Variants in CFHR4 observed in about 807,000 individuals in gnomAD.
CFHR4 encodes the protein complement factor H-related protein 4.
Under a neutral mutation model 69.3 loss-of-function variants are expected in CFHR4, and 64 were observed. The observed-to-expected ratio is 0.92, with a 90% CI of 0.76 to 1.14. The LOEUF (loss-of-function observed/expected upper bound fraction) is 1.14. Ranked by LOEUF, CFHR4 falls within the 50% of genes most tolerant of loss-of-function variation. CFHR4 has a pLI of 0.00. For missense variants in CFHR4, 636 were observed against 684.9 expected (o/e 0.93, Z 0.80); for synonymous variants, 244 against 237.0 (o/e 1.03, Z -0.27).
intron 2 of CFHR4, among the ~76,000 whole-genome samples, chr1:196,903,424 G>A (rs1250336178): frequency 6.6e-6 from 1 of 150,894 alleles, no homozygotes. Flanking sequence ...AGACCGAGAC[G>A]GGCAGATCAC....
chr1:196,903,505 T>C (rs1657735470), intron 2 of CFHR4, among the ~76,000 whole-genome samples: 1 of 150,738 alleles, frequency 6.6e-6, no homozygotes, highest in Non-Finnish European at 1.5e-5. Context: ...ATACAAAAAT[T>C]AGCCGTGTGC....
intron 2 of CFHR4, among the ~76,000 whole-genome samples, chr1:196,904,373 A>G (rs952027950): frequency 6.6e-6 from 1 of 151,584 alleles, no homozygotes; most frequent in Non-Finnish European, 1.5e-5. Context: ...TTCAGATAGT[A>G]AAATTGGTCC....
intron 1 of CFHR4, among the ~76,000 whole-genome samples, chr1:196,897,671 T>A (rs950537722): frequency 6.6e-6 from 1 of 151,422 alleles, no homozygotes; most frequent in Admixed American, 6.6e-5. Context: ...CTCATTTCCC[T>A]CGGCATCCAG....
chr1:196,890,620 G>A (rs1160508253), intron 1 of CFHR4, among the ~76,000 whole-genome samples: 1 of 151,312 alleles, frequency 6.6e-6, no homozygotes, highest in Non-Finnish European at 1.5e-5. Context: ...AAGTATCAAA[G>A]GTGACAATTA....
chr1:196,907,520 T>A, intron 5 of CFHR4, 22 bp downstream of exon 5: 1 of 1,583,326 alleles, frequency 6.3e-7, no homozygotes, highest in South Asian at 1.1e-5. Context: ...ATATTCTGGA[T>A]CTGAGAAAAT....
intron 1 of CFHR4, among the ~76,000 whole-genome samples, chr1:196,892,248 C>T (rs981075979): frequency 2.6e-5 from 4 of 151,050 alleles, no homozygotes; most frequent in African/African-American, 9.8e-5. Flanking sequence ...TTAAGTGGAG[C>T]AATAAAATGA....
chr1:196,905,412 ACAT>A, intron 3 of CFHR4, 122 bp downstream of exon 3: 1 of 1,335,506 alleles, frequency 7.5e-7, no homozygotes, highest in Admixed American at 2.5e-5. Flanking sequence ...AATACTTCTA[ACAT>A]CATCTAACAT....
intron 9 of CFHR4, among the ~76,000 whole-genome samples, chr1:196,917,226 A>T (rs1407437003): frequency 6.6e-6 from 1 of 151,860 alleles, no homozygotes; most frequent in African/African-American, 2.4e-5. Flanking sequence ...AGAATACTTG[A>T]GTCAAAAGAA....
At chr1:196,905,638 A>G (rs562888850) in intron 3 of CFHR4, among the ~76,000 whole-genome samples, 1 of 151,564 alleles carries the variant, frequency 6.6e-6, no homozygotes, top group South Asian at 2.1e-4. Context: ...AAAATTATCA[A>G]CTGCTTGTAT....
At chr1:196,911,019 A>G (rs1250854752) in intron 6 of CFHR4, among the ~76,000 whole-genome samples, 2 of 151,350 alleles carry the variant, frequency 1.3e-5, no homozygotes, top group African/African-American at 4.9e-5. Flanking sequence ...CAGTCTTTCA[A>G]ATGTGCAGAC....
intron 1 of CFHR4, among the ~76,000 whole-genome samples, chr1:196,890,264 A>C (rs1656951800): frequency 6.6e-6 from 1 of 151,518 alleles, no homozygotes; most frequent in Admixed American, 6.6e-5. Flanking sequence ...ATCTATTCAG[A>C]ATCTGGCAAA....
chr1:196,899,676 A>C (rs542939256), intron 1 of CFHR4, among the ~76,000 whole-genome samples: 1 of 151,592 alleles, frequency 6.6e-6, no homozygotes, highest in Non-Finnish European at 1.5e-5. Flanking sequence ...AAGGTAAATA[A>C]ATAATTATTC....
At chr1:196,897,196 A>C (rs112071339) in intron 1 of CFHR4, among the ~76,000 whole-genome samples, 2 of 151,668 alleles carry the variant, frequency 1.3e-5, no homozygotes, top group East Asian at 1.9e-4. Flanking sequence ...GACGTGCGAG[A>C]GGGGTGTTAT....
Position 196,893,436 on chromosome 1 carries a change from T to A in CFHR4, c.58+5228T>A, listed in dbSNP as rs149085536. Among the ~76,000 whole-genome samples the A allele has an allele frequency of 8.6e-3, 1,298 of 151,728 alleles. 58 individuals are homozygous for A. Among genetic ancestry groups the A allele is most frequent in the African/African-American group, 0.03 (1,251 of 41,208 alleles). On this transcript the variant is annotated intron_variant, in intron 1 of 9. Transcript: ENST00000608469. ...TGGGGGTTGGTGGTAGAAGAGTTGA[T>A]CTATTCTGAGCCTTCCACATTTTAA... is the stretch of plus-strand genomic sequence containing the variant.
intron 1 of CFHR4, among the ~76,000 whole-genome samples, chr1:196,901,742 A>T (rs1309241724): frequency 6.6e-6 from 1 of 151,458 alleles, no homozygotes; most frequent in East Asian, 1.9e-4. Flanking sequence ...ATAAACTGTA[A>T]ATATACTGTA....
At chr1:196,916,168 C>A (rs1421370009) in intron 9 of CFHR4, among the ~76,000 whole-genome samples, 3 of 151,266 alleles carry the variant, frequency 2.0e-5, no homozygotes, top group Non-Finnish European at 2.9e-5. Context: ...AATTTTGTCC[C>A]CCAAGTACTA....
Position 196,907,503 on chromosome 1 carries a change from G to A in CFHR4, c.799+5G>A. ...CAGAACCACCAAGATGCATATGTAAGTTCTTAATATTCTGGATCTGAGAAA... is the reference window on the plus strand; with the variant it reads ...CAGAACCACCAAGATGCATATGTAAATTCTTAATATTCTGGATCTGAGAAA... On this transcript the variant is annotated splice_donor_5th_base_variant and intron_variant, in intron 5 of 9. Coordinates refer to ENST00000608469, the MANE Select transcript of CFHR4 (RefSeq NM_001201550.3). 6.2e-7 allele frequency: 1 copy of A among 1,601,906 alleles called. No individual in the cohort carries two copies. Among genetic ancestry groups the A allele is most frequent in the East Asian group, 2.2e-5 (1 of 44,720 alleles).
chr1:196,911,392 T>G (rs1658263248), intron 6 of CFHR4, among the ~76,000 whole-genome samples: 2 of 151,512 alleles, frequency 1.3e-5, no homozygotes, highest in African/African-American at 4.9e-5. Flanking sequence ...CTAAATGCAT[T>G]GATTTAAGTA....
chr1:196,903,341 G>C (rs893039337), intron 2 of CFHR4, among the ~76,000 whole-genome samples: 3 of 150,928 alleles, frequency 2.0e-5, no homozygotes, highest in South Asian at 2.1e-4. Flanking sequence ...CACTTAATAG[G>C]GCCAAGCAGC....
Sources: allele counts gnomAD v4.1 joint callset (sites outside exome capture counted in the v4.1 genomes callset), GRCh38; gene constraint gnomAD v4.1.1; transcripts MANE v1.5; gene names NCBI Gene and HGNC (gene_info 2026-07-23, HGNC 2026-07-21).